The following PDHX variants were observed in gnomAD, a reference collection of about 807,000 sequenced individuals.
The protein encoded by PDHX is pyruvate dehydrogenase protein X component, mitochondrial.
Under a neutral mutation model 55.3 loss-of-function variants are expected in PDHX, and 33 were observed. The ratio of observed to expected loss-of-function variants is 0.60; its 90% CI spans 0.45 to 0.80. PDHX has a LOEUF of 0.80. Ranked by LOEUF, PDHX falls within the 30% of genes least tolerant of loss-of-function variation. The probability of loss-of-function intolerance (pLI) is 0.00; values close to 1 mark genes in which losing one functional copy is unlikely to be tolerated. For missense variants in PDHX, 622 were observed against 619.9 expected (o/e 1.00, Z -0.04); for synonymous variants, 226 against 219.4 (o/e 1.03, Z -0.27).
intron 7 of PDHX, among the ~76,000 whole-genome samples, chr11:34,975,114 A>G (rs558851190): frequency 1.3e-5 from 2 of 152,246 alleles, no homozygotes; most frequent in East Asian, 3.9e-4. Context: ...TTTCTGTCTT[A>G]GAATGTCTGC....
At position 34,995,411 on chromosome 11, in the gene PDHX, C is replaced by A; in HGVS notation, c.*239C>A. ...AAGAGAATATTTGGTTACTCAGATC[C>A]ATTTTTAACCTCTGGTGCTGTATAA... On this transcript the variant is annotated 3_prime_UTR_variant, in exon 11 of 11. Coordinates refer to ENST00000227868, the MANE Select transcript of PDHX (RefSeq NM_003477.3). 1 of 477,348 alleles carries A rather than the reference C, an allele frequency of 2.1e-6. No homozygotes were observed. Among genetic ancestry groups the A allele is most frequent in the Non-Finnish European group, 3.8e-6 (1 of 261,864 alleles). The allele number at this position is 477,348 out of a possible 1,614,324, so 29.6% of individuals were successfully genotyped here. A position where few individuals can be genotyped will look rare whatever the true frequency, so the allele number is the denominator to read the frequency against.
rs936214818 is a variant in PDHX at position 34,920,294 on chromosome 11, A to G, written c.160+3479A>G. 2.6e-5 allele frequency among the ~76,000 whole-genome samples: 4 copies of G among 152,218 alleles called. No homozygotes were observed. In the East Asian group the frequency reaches 7.7e-4, roughly 29 times the overall value. ...GGTTTTAAGTTGTCTCTGAAGAATA[A>G]CATGTTGAATTTAAAATAACCTGTG... On this transcript the variant is annotated intron_variant, in intron 1 of 10. Transcript: ENST00000227868.
At chr11:34,953,263 T>C (rs1854820567) in intron 3 of PDHX, among the ~76,000 whole-genome samples, 1 of 152,160 alleles carries the variant, frequency 6.6e-6, no homozygotes, top group Non-Finnish European at 1.5e-5. Context: ...ATGGCCATAC[T>C]GCCCAAGGTA....
At chr11:34,959,679 T>C (rs1015821761) in intron 4 of PDHX, among the ~76,000 whole-genome samples, 3 of 152,104 alleles carry the variant, frequency 2.0e-5, no homozygotes, top group Admixed American at 1.3e-4. Context: ...AGCAAAATGG[T>C]AGAAACAACT....
intron 7 of PDHX, 73 bp from the exon 8 acceptor site, chr11:34,978,051 G>A (rs1262602387): frequency 4.9e-6 from 4 of 823,570 alleles, no homozygotes; most frequent in South Asian, 1.4e-5. Flanking sequence ...TAATTTACAA[G>A]TTTGAAGTTG....
chr11:34,992,589 G>A lies in PDHX; in HGVS notation c.1247+210G>A, dbSNP rs79133843. ...GGAACCTATTAGTGTTGAACTAAAC[G>A]TTCGTTGGACATTGACTAACATGGA... On this transcript the variant is annotated intron_variant, in intron 10 of 10. Transcript: ENST00000227868. Among the ~76,000 whole-genome samples the A allele has an allele frequency of 8.2e-3, 1,247 of 152,186 alleles. 11 individuals carry two copies. Among genetic ancestry groups the A allele is most frequent in the Middle Eastern group, 0.017 (5 of 292 alleles).
chr11:34,985,790 G>A (rs951311692), intron 9 of PDHX, among the ~76,000 whole-genome samples: 2 of 152,126 alleles, frequency 1.3e-5, no homozygotes, highest in African/African-American at 4.8e-5. Flanking sequence ...CTTCTTTGGG[G>A]AGCCGACAGT....
rs79170416 is a variant in PDHX, at chr11:34,957,548, C to G, written c.507C>G (p.Ile169Met). 1 of 1,613,944 alleles carries G rather than the reference C, an allele frequency of 6.2e-7. No homozygotes were observed. Among genetic ancestry groups the G allele is most frequent in the Non-Finnish European group, 8.5e-7 (1 of 1,179,944 alleles). Reference sequence around the variant, plus strand: ...CCTCACCAGAACCACAGATTTCCATCCCTGTCAAGAAGGAACACATACCCG... The same window carrying G: ...CCTCACCAGAACCACAGATTTCCATGCCTGTCAAGAAGGAACACATACCCG... Reference protein sequence around the residue: ...PRPSPEPQISIPVKKEHIPGT... With the variant: ...PRPSPEPQISMPVKKEHIPGT... Residue 169 changes from isoleucine (I) to methionine (M), a missense_variant, in exon 4 of 11, where the codon ATC becomes ATG. By Grantham distance (10) the Ile-to-Met change is conservative (BLOSUM62 1). Coordinates refer to ENST00000227868, the MANE Select transcript of PDHX (RefSeq NM_003477.3).
chr11:34,954,822 A>C (rs1854867188), intron 3 of PDHX, among the ~76,000 whole-genome samples: 1 of 152,178 alleles, frequency 6.6e-6, no homozygotes. Context: ...TCATAACAAC[A>C]ATGTGAAGTA....
At chr11:34,948,124 G>C (rs964532733) in intron 3 of PDHX, among the ~76,000 whole-genome samples, 4 of 152,186 alleles carry the variant, frequency 2.6e-5, no homozygotes, top group African/African-American at 9.7e-5. Context: ...TGTTAAAGTA[G>C]AGATGATAAT....
chr11:34,964,973 C>T (rs1278162348), intron 5 of PDHX, among the ~76,000 whole-genome samples: 2 of 151,994 alleles, frequency 1.3e-5, no homozygotes, highest in East Asian at 1.9e-4. Context: ...CGGGCATTAA[C>T]GATACAGATT....
At position 34,984,561 on chromosome 11, in the gene PDHX, T is replaced by G. The variant is rs1397269544; in HGVS notation, c.1024-9T>G. The G allele has an allele frequency of 1.2e-5, 19 of 1,613,576 alleles. No homozygotes were observed. In the Admixed American group the frequency reaches 3.2e-4, roughly 27 times the overall value. On this transcript the variant is annotated splice_polypyrimidine_tract_variant and intron_variant, in intron 8 of 10. Coordinates refer to ENST00000227868, the MANE Select transcript of PDHX (RefSeq NM_003477.3). Reference sequence around the variant, plus strand: ...TTTTTTAGTAACATTTTTCTTTTTCTATTTCTAGCAAATGCCAGATGTTAA... The same window carrying G: ...TTTTTTAGTAACATTTTTCTTTTTCGATTTCTAGCAAATGCCAGATGTTAA...
At chr11:34,985,650 A>T (rs770440818) in intron 9 of PDHX, among the ~76,000 whole-genome samples, 26 of 152,196 alleles carry the variant, frequency 1.7e-4, no homozygotes, top group Non-Finnish European at 3.2e-4. Context: ...CAAGTCTTAA[A>T]GTGATTGCAT....
At position 34,978,128 on chromosome 11, in the gene PDHX, C is replaced by T. The variant is rs1590764120; in HGVS notation, c.969C>T (p.Asp323=). The T allele has an allele frequency of 6.5e-7, 1 of 1,536,450 alleles. No individual in the cohort carries two copies. The highest frequency in any genetic ancestry group is 9.0e-7 in the Non-Finnish European group (1 of 1,110,114). ...CTAACCTTATTTTTCTTTCAGATGA[C>T]ATTAAAGTATCAGTAAATGATTTTA... ...LKVRQDLVKD[D]IKVSVNDFII... is the part of the protein sequence containing the mutation. Residue 323 remains aspartate (D), a synonymous_variant, in exon 8 of 11, where the codon GAC becomes GAT. Coordinates refer to ENST00000227868, the MANE Select transcript of PDHX (RefSeq NM_003477.3).
At chr11:34,949,664 A>C (rs781590580) in intron 3 of PDHX, among the ~76,000 whole-genome samples, 8 of 152,224 alleles carry the variant, frequency 5.3e-5, no homozygotes, top group Non-Finnish European at 7.3e-5. Context: ...AAATTAATAA[A>C]GTAGAATCTT....
At position 34,957,519 on chromosome 11, in the gene PDHX, C is replaced by T. The variant is rs769945697; in HGVS notation, c.478C>T (p.Arg160Cys). The change falls in exon 4 of 11, where the codon CGC becomes TGC. Residue 160 changes from arginine (R) to cysteine (C), a missense_variant. Arg to Cys is a radical substitution (Grantham distance 180). Transcript: ENST00000227868. ...PPPVSKPSEP[R>C]PSPEPQISIP... ...ACCAGTTTCAAAACCTTCAGAGCCT[C>T]GCCCCTCACCAGAACCACAGATTTC... 3 of 1,613,868 alleles carry T rather than the reference C, an allele frequency of 1.9e-6. No homozygotes were observed. The highest frequency in any genetic ancestry group is 2.7e-5 in the African/African-American group (2 of 74,864).
intron 2 of PDHX, among the ~76,000 whole-genome samples, chr11:34,944,475 G>A (rs1854576264): frequency 6.6e-6 from 1 of 152,132 alleles, no homozygotes; most frequent in Non-Finnish European, 1.5e-5. Context: ...TTTGGAGTTA[G>A]ACAAAGGACC....
chr11:34,958,357 A>G (rs1854950233), intron 4 of PDHX, among the ~76,000 whole-genome samples: 1 of 151,878 alleles, frequency 6.6e-6, no homozygotes, highest in South Asian at 2.1e-4. Context: ...CTGGAGTGCA[A>G]TGGTGCAATC....
intron 3 of PDHX, among the ~76,000 whole-genome samples, chr11:34,948,558 GA>G (rs1278604468): frequency 7.2e-6 from 1 of 139,568 alleles, no homozygotes; most frequent in Non-Finnish European, 1.5e-5. Context: ...TTTCTTTCTA[GA>G]AAATCCTCTT....
Sources: gnomAD v4.1 joint callset for allele counts (sites outside exome capture counted in the v4.1 genomes callset) on GRCh38, gnomAD v4.1.1 for gene constraint, MANE v1.5 for transcripts, NCBI Gene and HGNC (gene_info 2026-07-23, HGNC 2026-07-21) for gene names.